Variants in PDZRN4 observed in about 807,000 individuals in gnomAD.
The protein encoded by PDZRN4 is PDZ domain containing ring finger 4.
Under a neutral mutation model 99.0 loss-of-function variants are expected in PDZRN4, and 70 were observed. The observed-to-expected ratio is 0.71, with a 90% CI of 0.58 to 0.86. The LOEUF (loss-of-function observed/expected upper bound fraction) is 0.86, where lower values mean the gene tolerates loss of function less well. PDZRN4 is among the 40% of genes least tolerant of loss of function. The probability of loss-of-function intolerance (pLI) is 0.00; values close to 1 mark genes in which losing one functional copy is unlikely to be tolerated. For synonymous variants in PDZRN4, 551 were observed against 501.6 expected, an observed-to-expected ratio of 1.10 and a Z score of -1.32; for missense variants, 1,474 against 1,331.2, an observed-to-expected ratio of 1.11 and a Z score of -1.67.
intron 3 of PDZRN4, among the ~76,000 whole-genome samples, chr12:41,485,831 C>T (rs1296215307): frequency 6.6e-6 from 1 of 152,104 alleles, no homozygotes; most frequent in East Asian, 1.9e-4. Flanking sequence ...TTACCATTTC[C>T]TGTATGTGTC....
chr12:41,556,541 T>C (rs936295053), intron 7 of PDZRN4, among the ~76,000 whole-genome samples: 2 of 152,222 alleles, frequency 1.3e-5, no homozygotes, highest in Admixed American at 6.5e-5. Flanking sequence ...AAAAGCATGG[T>C]ATTATAATCT....
chr12:41,486,786 C>T (rs766615655), intron 3 of PDZRN4, among the ~76,000 whole-genome samples: 8 of 152,062 alleles, frequency 5.3e-5, no homozygotes, highest in Non-Finnish European at 1.2e-4. Context: ...CCTAGGTGTC[C>T]GATTCCTGTG....
intron 3 of PDZRN4, among the ~76,000 whole-genome samples, chr12:41,336,842 C>T (rs1187987398): frequency 6.6e-6 from 1 of 151,988 alleles, no homozygotes; most frequent in Non-Finnish European, 1.5e-5. Flanking sequence ...ACTGGTTGAG[C>T]CAGATTACCA....
At position 41,573,609 on chromosome 12, in the gene PDZRN4, G is replaced by A. The variant is rs1350158553; in HGVS notation, c.2830G>A (p.Glu944Lys). ...GAAAATGGGGCGCTACTGGAGCAAA[G>A]AGGAGAGAAAGCAGCACCTGGTTAG... ...EMKMGRYWSK[E>K]ERKQHLVRAK... The change falls in exon 10 of 10, where the codon GAG becomes AAG. Residue 944 changes from glutamate (E) to lysine (K), a missense_variant. Physicochemically the swap from Glu to Lys is moderately conservative, Grantham distance 56. Coordinates refer to ENST00000402685, the MANE Select transcript of PDZRN4 (RefSeq NM_001164595.2). The A allele has an allele frequency of 6.2e-7, 1 of 1,614,092 alleles. No individual in the cohort carries two copies. The highest frequency in any genetic ancestry group is 8.5e-7 in the Non-Finnish European group (1 of 1,180,002).
chr12:41,206,289 T>G (rs1331807571), intron 3 of PDZRN4, among the ~76,000 whole-genome samples: 1 of 151,982 alleles, frequency 6.6e-6, no homozygotes, highest in Non-Finnish European at 1.5e-5. Flanking sequence ...TTTAGCAATT[T>G]AGATTCTCAT....
At chr12:41,274,053 T>C (rs1450621531) in intron 3 of PDZRN4, among the ~76,000 whole-genome samples, 1 of 152,102 alleles carries the variant, frequency 6.6e-6, no homozygotes, top group East Asian at 1.9e-4. Flanking sequence ...TTAAGTTAAG[T>C]TCATATAACT....
At chr12:41,480,883 C>A (rs1272492774) in intron 3 of PDZRN4, among the ~76,000 whole-genome samples, 1 of 151,556 alleles carries the variant, frequency 6.6e-6, no homozygotes, top group East Asian at 1.9e-4. Flanking sequence ...CAAAACATGA[C>A]TAAATCAAAA....
intron 3 of PDZRN4, among the ~76,000 whole-genome samples, chr12:41,458,180 G>A (rs1175417312): frequency 6.6e-6 from 1 of 152,094 alleles, no homozygotes; most frequent in Non-Finnish European, 1.5e-5. Flanking sequence ...TATGTGAGAT[G>A]GAGTTTCGCT....
rs551885257 is a variant in PDZRN4 at position 41,480,878 on chromosome 12, C to T, written c.844-25578C>T. Reference sequence around the variant, plus strand: ...GGTGATACAGAATATAATTTCAAAACATGACTAAATCAAAATTATTTTGTT... The same window carrying T: ...GGTGATACAGAATATAATTTCAAAATATGACTAAATCAAAATTATTTTGTT... On this transcript the variant is annotated intron_variant, in intron 3 of 9. Transcript: ENST00000402685. 9.9e-5 allele frequency among the ~76,000 whole-genome samples: 15 copies of T among 151,938 alleles called. 2 individuals are homozygous for T. The highest frequency in any genetic ancestry group is 3.1e-4 in the African/African-American group (13 of 41,480).
intron 3 of PDZRN4, among the ~76,000 whole-genome samples, chr12:41,439,304 T>C: frequency 6.9e-6 from 1 of 144,868 alleles, no homozygotes; most frequent in East Asian, 1.9e-4. Flanking sequence ...ATTTCCTAGA[T>C]GAGCTCTCAT....
rs371783767 is a variant in PDZRN4, at chr12:41,573,912, G to C, written c.*22G>C. On this transcript the variant is annotated 3_prime_UTR_variant, in exon 10 of 10. Coordinates refer to ENST00000402685, the MANE Select transcript of PDZRN4 (RefSeq NM_001164595.2). Reference sequence around the variant, plus strand: ...ATGACCGAATGAATGGAATGCATGCGACTGATTTTAGGAGGATGCTACCAG... The same window carrying C: ...ATGACCGAATGAATGGAATGCATGCCACTGATTTTAGGAGGATGCTACCAG... 3.4e-6 allele frequency: 5 copies of C among 1,486,872 alleles called. No individual in the cohort carries two copies. In the African/African-American group the frequency reaches 5.6e-5, roughly 17 times the overall value. The allele number at this position is 1,486,872 out of a possible 1,614,324, so 92.1% of individuals were successfully genotyped here.
At chr12:41,448,596 A>G (rs559616033) in intron 3 of PDZRN4, among the ~76,000 whole-genome samples, 2 of 152,312 alleles carry the variant, frequency 1.3e-5, no homozygotes, top group African/African-American at 4.8e-5. Flanking sequence ...GAGTCAAAGA[A>G]TAGGAGTGGG....
chr12:41,276,475 A>G (rs535602048), intron 3 of PDZRN4, among the ~76,000 whole-genome samples: 1 of 152,220 alleles, frequency 6.6e-6, no homozygotes, highest in African/African-American at 2.4e-5. Context: ...ATTTATATGA[A>G]ATATGAATAT....
chr12:41,325,016 GTCTA>G (rs1446405127), intron 3 of PDZRN4, among the ~76,000 whole-genome samples: 1 of 152,050 alleles, frequency 6.6e-6, no homozygotes, highest in African/African-American at 2.4e-5. Flanking sequence ...GATACCTCCA[GTCTA>G]TCTATTTTAT....
intron 3 of PDZRN4, among the ~76,000 whole-genome samples, chr12:41,240,292 C>A (rs1343911167): frequency 6.6e-6 from 1 of 152,118 alleles, no homozygotes; most frequent in Non-Finnish European, 1.5e-5. Flanking sequence ...ATATCTTCAT[C>A]AACGACATAA....
chr12:41,417,192 A>G (rs536361005), intron 3 of PDZRN4, among the ~76,000 whole-genome samples: 1 of 152,286 alleles, frequency 6.6e-6, no homozygotes, highest in African/African-American at 2.4e-5. Context: ...TATTTTTAAC[A>G]TTTTTGGAAA....
intron 7 of PDZRN4, among the ~76,000 whole-genome samples, chr12:41,557,148 CAAAAAAAAAA>C (rs112787721): frequency 3.4e-5 from 2 of 57,982 alleles, no homozygotes; most frequent in African/African-American, 8.8e-5. Flanking sequence ...GAGACACTCT[CAAAAAAAAAA>C]AAAAAAAAAA....
At chr12:41,250,234 A>G (rs77794037) in intron 3 of PDZRN4, among the ~76,000 whole-genome samples, 4,941 of 152,254 alleles carry the variant, frequency 0.032, 141 homozygotes, top group East Asian at 0.12. Flanking sequence ...GCAAAAGCGA[A>G]CAACTAATTT....
chr12:41,485,539 CTT>C (rs1315332942), intron 3 of PDZRN4, among the ~76,000 whole-genome samples: 1 of 152,062 alleles, frequency 6.6e-6, no homozygotes, highest in Non-Finnish European at 1.5e-5. Context: ...CTTCCTCTCT[CTT>C]TTTCTTTCTT....
Sources: allele counts gnomAD v4.1 joint callset (sites outside exome capture counted in the v4.1 genomes callset), GRCh38; gene constraint gnomAD v4.1.1; transcripts MANE v1.5; gene names NCBI Gene and HGNC (gene_info 2026-07-23, HGNC 2026-07-21).